Variants in GAS2 observed in about 807,000 individuals in gnomAD.
GAS2 encodes the protein growth arrest-specific protein 2.
In GAS2, 20 loss-of-function variants were observed where a neutral mutation model predicts 37.5. That is an observed-to-expected ratio of 0.53 (90% CI 0.37 to 0.77). The LOEUF is 0.77. Among genes scored for constraint, GAS2 ranks in the 30% least tolerant of loss-of-function variants. The pLI is 0.00. For synonymous variants in GAS2, 144 were observed against 132.2 expected (o/e 1.09, Z -0.61); for missense variants, 336 against 373.4 (o/e 0.90, Z 0.82).
chr11:22,665,981 T>G (rs971943493), upstream of GAS2, among the ~76,000 whole-genome samples: 1 of 152,222 alleles, frequency 6.6e-6, no homozygotes, highest in African/African-American at 2.4e-5. Context: ...TGTAATACAT[T>G]TTATTTATGC....
chr11:22,789,437 T>TAA (rs1856015921), intron 7 of GAS2, among the ~76,000 whole-genome samples: 4 of 86,002 alleles, frequency 4.7e-5, no homozygotes, highest in African/African-American at 1.7e-4. Flanking sequence ...TATATATATA[T>TAA]ATATATATAT....
At chr11:22,758,328 T>G (rs1854163001) in intron 7 of GAS2, among the ~76,000 whole-genome samples, 1 of 152,212 alleles carries the variant, frequency 6.6e-6, no homozygotes, top group Non-Finnish European at 1.5e-5. Flanking sequence ...ATGGGCGTAT[T>G]TTAAACTTTG....
intron 1 of GAS2, among the ~76,000 whole-genome samples, chr11:22,669,408 A>G (rs1441060967): frequency 3.9e-5 from 6 of 152,204 alleles, no homozygotes; most frequent in Admixed American, 6.5e-5. Context: ...AATATCCCTA[A>G]CAACATGAAA....
At chr11:22,706,942 G>A (rs908587277) in intron 3 of GAS2, among the ~76,000 whole-genome samples, 9 of 151,954 alleles carry the variant, frequency 5.9e-5, no homozygotes, top group Non-Finnish European at 1.2e-4. Flanking sequence ...CTAGTTTACA[G>A]TCCCACCAAC....
chr11:22,735,224 C>CTTT lies in GAS2; in HGVS notation c.410-2463_410-2461dup, dbSNP rs397750049. ...CATTGCTTGCTGGTCACCAATCATT[C>CTTT]TTTTTTTTTTTTTTTTTTTTGGTCC... On this transcript the variant is annotated intron_variant, in intron 4 of 7. Coordinates refer to ENST00000454584, the MANE Select transcript of GAS2 (RefSeq NM_001143830.3). Among the ~76,000 whole-genome samples, 808 of 109,122 alleles carry CTTT rather than the reference C, an allele frequency of 7.4e-3. 27 individuals carry two copies. The highest frequency in any genetic ancestry group is 0.03 in the South Asian group (101 of 3,418). The allele number at this position is 109,122 out of a possible 152,430, so 71.6% of individuals were successfully genotyped here.
chr11:22,674,033 T>A (rs1025920157), intron 1 of GAS2, among the ~76,000 whole-genome samples: 1 of 152,190 alleles, frequency 6.6e-6, no homozygotes, highest in African/African-American at 2.4e-5. Flanking sequence ...GCAGCATTTG[T>A]TAGAACTATG....
intron 7 of GAS2, among the ~76,000 whole-genome samples, chr11:22,761,766 G>A (rs1854405167): frequency 6.6e-6 from 1 of 152,082 alleles, no homozygotes; most frequent in African/African-American, 2.4e-5. Flanking sequence ...CCATTTTACA[G>A]ATGGGGAAAC....
At chr11:22,792,933 A>G (rs536649898) in intron 7 of GAS2, among the ~76,000 whole-genome samples, 19 of 152,228 alleles carry the variant, frequency 1.2e-4, no homozygotes, top group Non-Finnish European at 2.1e-4. Context: ...CAAACAATTT[A>G]AAAGACATAA....
At chr11:22,677,464 C>T (rs953337808) in intron 2 of GAS2, among the ~76,000 whole-genome samples, 18 of 152,168 alleles carry the variant, frequency 1.2e-4, no homozygotes, top group African/African-American at 4.1e-4. Context: ...TTATAATTTA[C>T]AGTATGATCT....
At chr11:22,689,687 A>T (rs1232031837) in intron 3 of GAS2, among the ~76,000 whole-genome samples, 3 of 152,216 alleles carry the variant, frequency 2.0e-5, no homozygotes, top group Admixed American at 1.3e-4. Flanking sequence ...TCTAAATACA[A>T]ATTTAAACAA....
intron 3 of GAS2, among the ~76,000 whole-genome samples, chr11:22,720,633 C>G (rs147005828): frequency 1.3e-5 from 2 of 151,836 alleles, no homozygotes; most frequent in African/African-American, 2.4e-5. Context: ...TATTGCCTGC[C>G]TATTTGAACC....
At chr11:22,754,883 T>C (rs1853941280) in intron 6 of GAS2, among the ~76,000 whole-genome samples, 1 of 152,142 alleles carries the variant, frequency 6.6e-6, no homozygotes. Context: ...AATTTCTAAA[T>C]TTGTTCTATC....
At chr11:22,691,715 G>A (rs1164889033) in intron 3 of GAS2, among the ~76,000 whole-genome samples, 5 of 152,136 alleles carry the variant, frequency 3.3e-5, no homozygotes, top group Admixed American at 1.3e-4. Flanking sequence ...GTATGTTGCT[G>A]CCTGAGACTA....
chr11:22,737,890 G>C (rs1852841025), intron 5 of GAS2, 122 bp downstream of exon 5: 1 of 856,796 alleles, frequency 1.2e-6, no homozygotes. Context: ...ACTCATTCAC[G>C]ATGATAATAT....
chr11:22,779,094 AG>A (rs1855417833), intron 7 of GAS2, among the ~76,000 whole-genome samples: 1 of 151,584 alleles, frequency 6.6e-6, no homozygotes, highest in Non-Finnish European at 1.5e-5. Flanking sequence ...TTTAAAATAA[AG>A]GAAAAAAAAT....
chr11:22,651,903 C>T (rs1848781290), intron 1 of GAS2, among the ~76,000 whole-genome samples: 1 of 152,168 alleles, frequency 6.6e-6, no homozygotes, highest in African/African-American at 2.4e-5. Context: ...TCATCTGAAG[C>T]CTTCTTCTCT....
intron 6 of GAS2, among the ~76,000 whole-genome samples, chr11:22,753,645 T>C (rs988084870): frequency 1.3e-5 from 2 of 152,110 alleles, no homozygotes; most frequent in African/African-American, 4.8e-5. Flanking sequence ...GTCAGTCTGA[T>C]TTTCTTCTGG....
chr11:22,743,475 A>G (rs949050724), intron 5 of GAS2, among the ~76,000 whole-genome samples: 1 of 152,196 alleles, frequency 6.6e-6, no homozygotes, highest in East Asian at 1.9e-4. Flanking sequence ...ATAATACTAA[A>G]ACATAGAAAT....
chr11:22,724,327 A>G (rs1852090046), intron 3 of GAS2, among the ~76,000 whole-genome samples: 1 of 151,914 alleles, frequency 6.6e-6, no homozygotes, highest in Non-Finnish European at 1.5e-5. Flanking sequence ...GTATTTATGT[A>G]TTATATGTCA....
Sources: allele counts gnomAD v4.1 joint callset (sites outside exome capture counted in the v4.1 genomes callset), GRCh38; gene constraint gnomAD v4.1.1; transcripts MANE v1.5; gene names NCBI Gene and HGNC (gene_info 2026-07-23, HGNC 2026-07-21).